The following KHDRBS2 variants were observed in gnomAD, a reference collection of about 807,000 sequenced individuals.
KHDRBS2 encodes KH domain-containing, RNA-binding, signal transduction-associated protein 2.
Under a neutral mutation model 44.3 loss-of-function variants are expected in KHDRBS2, and 26 were observed. The ratio of observed to expected loss-of-function variants is 0.59; its 90% CI spans 0.43 to 0.81. The LOEUF (loss-of-function observed/expected upper bound fraction) is 0.81. KHDRBS2 is among the 40% of genes least tolerant of loss of function. The pLI, the probability that KHDRBS2 is intolerant of heterozygous loss-of-function variation, is 0.00. For missense variants in KHDRBS2, 476 were observed against 433.1 expected (o/e 1.10, Z -0.88); for synonymous variants, 194 against 151.1 (o/e 1.28, Z -2.08).
chr6:62,137,296 C>T (rs1811786892), intron 2 of KHDRBS2, among the ~76,000 whole-genome samples: 1 of 151,980 alleles, frequency 6.6e-6, no homozygotes, highest in African/African-American at 2.4e-5. Flanking sequence ...CCACCGCGCC[C>T]AGCTCAGCTT....
Position 61,887,551 on chromosome 6 carries a change from A to AT in KHDRBS2, c.810+7083dup, listed in dbSNP as rs535094393. ...ATGATGGGTTTAAACAGCATTCTCAATTACAGTAAGCTGTTTCTTGTCAGG... is the reference window on the plus strand; with the variant it reads ...ATGATGGGTTTAAACAGCATTCTCAATTTACAGTAAGCTGTTTCTTGTCAGG... On this transcript the variant is annotated intron_variant, in intron 6 of 8. Coordinates refer to ENST00000281156, the MANE Select transcript of KHDRBS2 (RefSeq NM_152688.4). Among the ~76,000 whole-genome samples, 8 of 152,302 alleles carry AT rather than the reference A, an allele frequency of 5.3e-5. No homozygotes were observed. In the South Asian group the frequency reaches 1.7e-3, roughly 32 times the overall value.
intron 2 of KHDRBS2, among the ~76,000 whole-genome samples, chr6:62,122,902 G>GT (rs1487038372): frequency 8.0e-6 from 1 of 125,646 alleles, no homozygotes; most frequent in Non-Finnish European, 1.7e-5. Flanking sequence ...ACTTTTTGAC[G>GT]TTTTTTAATA....
At chr6:61,933,694 A>G (rs746756406) in intron 4 of KHDRBS2, among the ~76,000 whole-genome samples, 12 of 152,196 alleles carry the variant, frequency 7.9e-5, no homozygotes, top group Non-Finnish European at 1.6e-4. Context: ...AATGGTAAGT[A>G]TTTGTGTATC....
At chr6:61,799,166 C>CT (rs1021926383) in intron 6 of KHDRBS2, among the ~76,000 whole-genome samples, 1 of 151,726 alleles carries the variant, frequency 6.6e-6, no homozygotes, top group African/African-American at 2.4e-5. Flanking sequence ...AAACATTATG[C>CT]TTTTTTAAAA....
At chr6:62,007,134 C>CA (rs930871214) in intron 3 of KHDRBS2, among the ~76,000 whole-genome samples, 20 of 152,102 alleles carry the variant, frequency 1.3e-4, no homozygotes, top group African/African-American at 4.8e-4. Context: ...GCTCGTCAAA[C>CA]AAAAAGCTAA....
At chr6:62,107,474 C>T (rs1199327508) in intron 2 of KHDRBS2, among the ~76,000 whole-genome samples, 1 of 152,176 alleles carries the variant, frequency 6.6e-6, no homozygotes, top group Non-Finnish European at 1.5e-5. Flanking sequence ...ACATTCCATG[C>T]TCATGGGTAG....
intron 4 of KHDRBS2, among the ~76,000 whole-genome samples, chr6:61,953,903 A>G (rs1409992640): frequency 6.6e-6 from 1 of 152,172 alleles, no homozygotes. Context: ...CAGCTAGCAG[A>G]GAGAAGAGAA....
intron 1 of KHDRBS2, among the ~76,000 whole-genome samples, chr6:62,244,444 G>C (rs1194394793): frequency 1.3e-5 from 2 of 152,074 alleles, no homozygotes; most frequent in Non-Finnish European, 2.9e-5. Flanking sequence ...AGAGAATAGA[G>C]AGAAGTGAGA....
chr6:62,022,876 C>T (rs930245293), intron 3 of KHDRBS2, among the ~76,000 whole-genome samples: 3 of 151,340 alleles, frequency 2.0e-5, no homozygotes, highest in African/African-American at 7.3e-5. Context: ...GTTAATTTGC[C>T]GTGTCACAAA....
At chr6:61,553,513 C>T in the KHDRBS2 span, among the ~76,000 whole-genome samples, 1 of 152,044 alleles carries the variant, frequency 6.6e-6, no homozygotes, top group Non-Finnish European at 1.5e-5. Flanking sequence ...TTCAGTTCTG[C>T]TTTGATTTTG....
the KHDRBS2 span, among the ~76,000 whole-genome samples, chr6:61,569,962 C>A: frequency 3.3e-5 from 5 of 152,040 alleles, no homozygotes; most frequent in Non-Finnish European, 5.9e-5. Context: ...CTGAAATAGT[C>A]TACCCAAATG....
At chr6:61,974,178 T>C (rs1224038875) in intron 4 of KHDRBS2, among the ~76,000 whole-genome samples, 2 of 152,118 alleles carry the variant, frequency 1.3e-5, no homozygotes, top group Non-Finnish European at 2.9e-5. Context: ...TAAAACAGTG[T>C]TATCATTTTG....
intron 6 of KHDRBS2, among the ~76,000 whole-genome samples, chr6:61,884,404 C>A (rs1007171950): frequency 6.6e-6 from 1 of 151,972 alleles, no homozygotes; most frequent in Non-Finnish European, 1.5e-5. Context: ...CCCGATACAC[C>A]TCCTTGATGT....
the KHDRBS2 span, among the ~76,000 whole-genome samples, chr6:61,571,749 C>A: frequency 6.6e-6 from 1 of 151,962 alleles, no homozygotes; most frequent in Non-Finnish European, 1.5e-5. Context: ...TGGAAATTAA[C>A]CCCAAAAGGA....
chr6:62,196,583 C>T (rs2150134886), intron 1 of KHDRBS2, among the ~76,000 whole-genome samples: 2 of 58,118 alleles, frequency 3.4e-5, no homozygotes, highest in Middle Eastern at 0.015. Flanking sequence ...ATGGTCTATC[C>T]TTGGGAAGAT....
At chr6:61,579,000 C>T in the KHDRBS2 span, among the ~76,000 whole-genome samples, 1 of 152,256 alleles carries the variant, frequency 6.6e-6, no homozygotes, top group East Asian at 1.9e-4. Context: ...AGTGTGACAG[C>T]TTGTCACAAA....
chr6:62,284,561 C>A (rs1842217033), intron 1 of KHDRBS2, among the ~76,000 whole-genome samples: 1 of 151,298 alleles, frequency 6.6e-6, no homozygotes, highest in African/African-American at 2.4e-5. Flanking sequence ...TATTTTTTTT[C>A]ATTCAGTAAC....
At chr6:62,242,587 T>TA (rs1041332480) in intron 1 of KHDRBS2, among the ~76,000 whole-genome samples, 2 of 151,960 alleles carry the variant, frequency 1.3e-5, no homozygotes, top group Non-Finnish European at 1.5e-5. Context: ...TTATTGAATT[T>TA]AAAAAGGAGA....
At chr6:61,817,422 T>C (rs1294323580) in intron 6 of KHDRBS2, among the ~76,000 whole-genome samples, 1 of 152,090 alleles carries the variant, frequency 6.6e-6, no homozygotes, top group Non-Finnish European at 1.5e-5. Flanking sequence ...ATAGAAATAC[T>C]AAGCACTATA....
Sources: allele counts gnomAD v4.1 joint callset (sites outside exome capture counted in the v4.1 genomes callset), GRCh38; gene constraint gnomAD v4.1.1; transcripts MANE v1.5; gene names NCBI Gene and HGNC (gene_info 2026-07-23, HGNC 2026-07-21).